RPS6KC1: variants seen among roughly 807,000 people sequenced by gnomAD.
RPS6KC1 encodes inactive ribosomal protein S6 kinase delta-1.
RPS6KC1 carries 54 observed loss-of-function variants against 103.8 expected under a neutral mutation model. That is an observed-to-expected ratio of 0.52 (90% CI 0.42 to 0.65). The LOEUF (loss-of-function observed/expected upper bound fraction) is 0.65. Among genes scored for constraint, RPS6KC1 ranks in the 30% least tolerant of loss-of-function variants. The pLI is 0.00. For synonymous variants in RPS6KC1, 439 were observed against 438.7 expected, an observed-to-expected ratio of 1.00 and a Z score of -0.01; for missense variants, 1,151 against 1,253.8, an observed-to-expected ratio of 0.92 and a Z score of 1.24.
At chr1:213,533,794 A>G in the RPS6KC1 span, among the ~76,000 whole-genome samples, 1 of 152,200 alleles carries the variant, frequency 6.6e-6, no homozygotes, top group Non-Finnish European at 1.5e-5. Flanking sequence ...TTTGTGGCCT[A>G]CCCAGCAATT....
chr1:213,600,962 G>A, the RPS6KC1 span, among the ~76,000 whole-genome samples: 1 of 152,224 alleles, frequency 6.6e-6, no homozygotes, highest in Non-Finnish European at 1.5e-5. Context: ...CTGGGAAGGA[G>A]GATGAGACAG....
the RPS6KC1 span, among the ~76,000 whole-genome samples, chr1:213,374,329 C>G: frequency 4.5e-4 from 69 of 152,268 alleles, no homozygotes; most frequent in Non-Finnish European, 7.2e-4. Flanking sequence ...AAACTGATAA[C>G]TTTTATTTAT....
At chr1:213,057,414 G>A (rs533657571) in intron 1 of RPS6KC1, among the ~76,000 whole-genome samples, 1 of 152,188 alleles carries the variant, frequency 6.6e-6, no homozygotes, top group Admixed American at 6.5e-5. Context: ...ATCTTAACAT[G>A]AGTATAAATT....
At chr1:213,692,404 T>TA in the RPS6KC1 span, among the ~76,000 whole-genome samples, 5 of 131,384 alleles carry the variant, frequency 3.8e-5, no homozygotes, top group African/African-American at 1.4e-4. Context: ...AAAAAAAAAA[T>TA]AAATAAAGTT....
intron 8 of RPS6KC1, among the ~76,000 whole-genome samples, chr1:213,198,125 T>C (rs2148541884): frequency 6.6e-6 from 1 of 152,346 alleles, no homozygotes; most frequent in East Asian, 1.9e-4. Context: ...ACTTTTAGCA[T>C]TTCTTGTAGT....
rs1183073141 is a variant in RPS6KC1 at position 213,262,890 on chromosome 1, A to G, written c.3090+74A>G. 5.6e-6 allele frequency: 5 copies of G among 890,516 alleles called. No individual in the cohort carries two copies. The Admixed American group carries it at 8.8e-5, about 16-fold the overall frequency. The allele number at this position is 890,516 out of a possible 1,614,324, so 55.2% of individuals were successfully genotyped here. A position where few individuals can be genotyped will look rare whatever the true frequency, so the allele number is the denominator to read the frequency against. ...AGAGCCCACAACTCCAAAACCTTAA[A>G]AAGAGATTAGTTTGGAGCAAGAAAA... On this transcript the variant is annotated intron_variant, in intron 14 of 14. Transcript: ENST00000366960.
the RPS6KC1 span, among the ~76,000 whole-genome samples, chr1:213,354,796 G>A: frequency 2.0e-5 from 3 of 152,050 alleles, no homozygotes; most frequent in Non-Finnish European, 4.4e-5. Context: ...ATTCCTTTAG[G>A]GCTTTGCCCT....
At chr1:213,210,129 A>T (rs1466880689) in intron 8 of RPS6KC1, among the ~76,000 whole-genome samples, 2 of 152,102 alleles carry the variant, frequency 1.3e-5, no homozygotes, top group African/African-American at 2.4e-5. Flanking sequence ...CTCATCTGTG[A>T]CTAAGAATGC....
In RPS6KC1 at chr1:213,242,628, G is replaced by A; in HGVS notation, c.2881G>A (p.Asp961Asn). 13 of 1,612,550 alleles carry A rather than the reference G, an allele frequency of 8.1e-6. No individual in the cohort carries two copies. Among genetic ancestry groups the A allele is most frequent in the African/African-American group, 1.3e-5 (1 of 74,984 alleles). ...WSEVEDSCDS[D>N]AIERMYCAPE... ...TGAGGTTGAAGATTCCTGTGACAGC[G>A]ATGCCATAGAGAGAATGTACTGTGC... Residue 961 changes from aspartate (D) to asparagine (N), a missense_variant, in exon 12 of 15, where the codon GAT (aspartate) becomes AAT (asparagine). By Grantham distance (23) the Asp-to-Asn change is conservative (BLOSUM62 1). This residue lies in a region of RPS6KC1 where 189 missense variants were observed against 228.8 expected (regional missense o/e 0.83). Coordinates refer to ENST00000366960, the MANE Select transcript of RPS6KC1 (RefSeq NM_012424.6).
intron 1 of RPS6KC1, among the ~76,000 whole-genome samples, chr1:213,053,865 C>T (rs2148257184): frequency 6.7e-6 from 1 of 149,832 alleles, no homozygotes; most frequent in South Asian, 2.1e-4. Context: ...AAGGCGTAGT[C>T]TCGCTCTCTT....
At chr1:213,216,420 T>C (rs941010617) in intron 8 of RPS6KC1, among the ~76,000 whole-genome samples, 3 of 152,106 alleles carry the variant, frequency 2.0e-5, no homozygotes, top group African/African-American at 7.2e-5. Flanking sequence ...ACAATAATAA[T>C]GGGAGACTTT....
the RPS6KC1 span, among the ~76,000 whole-genome samples, chr1:213,565,168 A>G: frequency 6.6e-6 from 1 of 152,260 alleles, no homozygotes. Flanking sequence ...AAATTCATAT[A>G]TTAGAAATGT....
At chr1:213,762,325 C>T in the RPS6KC1 span, among the ~76,000 whole-genome samples, 2 of 152,180 alleles carry the variant, frequency 1.3e-5, no homozygotes, top group Non-Finnish European at 2.9e-5. Context: ...TTCTGCACTA[C>T]GCTGTTTCTC....
the RPS6KC1 span, among the ~76,000 whole-genome samples, chr1:213,624,197 G>C: frequency 6.6e-6 from 1 of 152,180 alleles, no homozygotes. Context: ...CTTGGGCATG[G>C]CACTAACTTT....
the RPS6KC1 span, among the ~76,000 whole-genome samples, chr1:213,397,582 A>AACACAC: frequency 1.9e-3 from 171 of 89,124 alleles, 1 homozygote; most frequent in African/African-American, 5.7e-3. Flanking sequence ...AAGAGTCAGG[A>AACACAC]ACACATACAC....
At chr1:213,530,388 C>T in the RPS6KC1 span, among the ~76,000 whole-genome samples, 8 of 152,238 alleles carry the variant, frequency 5.3e-5, no homozygotes, top group African/African-American at 1.9e-4. Context: ...TTCTCTCAGG[C>T]TTTCAGCTAT....
At chr1:213,781,521 C>G in the RPS6KC1 span, among the ~76,000 whole-genome samples, 4 of 152,150 alleles carry the variant, frequency 2.6e-5, no homozygotes, top group African/African-American at 9.7e-5. Context: ...TTAGGGAAAT[C>G]ATATCATTTA....
chr1:213,515,090 T>C, the RPS6KC1 span, among the ~76,000 whole-genome samples: 2 of 152,250 alleles, frequency 1.3e-5, no homozygotes, highest in African/African-American at 2.4e-5. Context: ...GTTTTTTTCT[T>C]GTAAATTTGT....
chr1:213,334,763 A>C, the RPS6KC1 span, among the ~76,000 whole-genome samples: 498 of 152,214 alleles, frequency 3.3e-3, 4 homozygotes, highest in South Asian at 1.0e-2. Context: ...GGAGATGTAT[A>C]TCTCTCTCTC....
Sources: allele counts gnomAD v4.1 joint callset (sites outside exome capture counted in the v4.1 genomes callset), GRCh38; gene constraint gnomAD v4.1.1; regional missense constraint gnomAD v4.1.1; transcripts MANE v1.5; gene names NCBI Gene and HGNC (gene_info 2026-07-23, HGNC 2026-07-21).